GMNC: variants seen among roughly 807,000 people sequenced by gnomAD.
GMNC encodes the protein geminin coiled-coil domain containing.
GMNC carries 16 observed loss-of-function variants against 33.6 expected under a neutral mutation model. The ratio of observed to expected loss-of-function variants is 0.48; its 90% CI spans 0.32 to 0.72. The LOEUF (loss-of-function observed/expected upper bound fraction) is 0.72, where lower values mean the gene tolerates loss of function less well. GMNC is among the 30% of genes least tolerant of loss of function. The probability of loss-of-function intolerance (pLI) is 0.03; values close to 1 mark genes in which losing one functional copy is unlikely to be tolerated. For missense variants in GMNC, 393 were observed against 388.9 expected (o/e 1.01, Z -0.09); for synonymous variants, 156 against 147.3 (o/e 1.06, Z -0.43).
rs537279363 is a variant in GMNC, at chr3:190,854,182, A to C, written c.*1113T>G. On this transcript the variant is annotated 3_prime_UTR_variant, in exon 5 of 5. Transcript: ENST00000442080. Reference sequence around the variant, plus strand: ...ATAGGACCCAGCCTCAATTCATAGAATATTAGTAATTATCTAGTCCAACTT... The same window carrying C: ...ATAGGACCCAGCCTCAATTCATAGACTATTAGTAATTATCTAGTCCAACTT... The C allele has an allele frequency of 3.9e-5, 6 of 152,306 alleles. No homozygotes were observed. The highest frequency in any genetic ancestry group is 1.3e-4 in the Admixed American group (2 of 15,290). 9.4% of individuals were successfully genotyped at this position (152,306 alleles called of 1,614,324 possible). A position where few individuals can be genotyped will look rare whatever the true frequency, so the allele number is the denominator to read the frequency against.
Position 190,855,187 on chromosome 3 carries a change from G to C in GMNC, c.*108C>G, listed in dbSNP as rs1390426065. 5 of 1,102,570 alleles carry C rather than the reference G, an allele frequency of 4.5e-6. No homozygotes were observed. The African/African-American group carries it at 6.3e-5, about 14-fold the overall frequency. 68.3% of individuals were successfully genotyped at this position (1,102,570 alleles called of 1,614,324 possible). A position where few individuals can be genotyped will look rare whatever the true frequency, so the allele number is the denominator to read the frequency against. On this transcript the variant is annotated 3_prime_UTR_variant, in exon 5 of 5. Coordinates refer to ENST00000442080, the MANE Select transcript of GMNC (RefSeq NM_001146686.3). ...TTGAGAGTGACATTTAAAGTGGCAG[G>C]AGACAGTCTAAGCAACAGCTTCTGT...
At chr3:190,859,917 C>T in intron 2 of GMNC, 1 of 407,148 alleles carries the variant, frequency 2.5e-6, no homozygotes, top group Admixed American at 2.7e-5. Context: ...TTTGTTTTTA[C>T]TGTTGCTTGT....
At chr3:190,858,456 T>C (rs1369270012) in intron 3 of GMNC, among the ~76,000 whole-genome samples, 1 of 152,226 alleles carries the variant, frequency 6.6e-6, no homozygotes, top group African/African-American at 2.4e-5. Context: ...GATTGATCTG[T>C]CTGTATGTCC....
At chr3:190,850,526 G>A (rs1737616976), downstream of GMNC, among the ~76,000 whole-genome samples, 1 of 152,226 alleles carries the variant, frequency 6.6e-6, no homozygotes, top group African/African-American at 2.4e-5. Context: ...GCAGGAGTGA[G>A]GAGCCTGGCC....
downstream of GMNC, among the ~76,000 whole-genome samples, chr3:190,847,962 A>G (rs1249842678): frequency 2.0e-5 from 3 of 152,222 alleles, no homozygotes; most frequent in Non-Finnish European, 4.4e-5. Flanking sequence ...ATATGCATCA[A>G]GAACAGCTGG....
chr3:190,859,602 A>AT (rs1737817983), intron 2 of GMNC: 1 of 175,256 alleles, frequency 5.7e-6, no homozygotes, highest in Non-Finnish European at 1.2e-5. Context: ...CTTAATGAAA[A>AT]TCTCAAAACT....
At chr3:190,847,975 A>G (rs1423059980), downstream of GMNC, among the ~76,000 whole-genome samples, 1 of 152,166 alleles carries the variant, frequency 6.6e-6, no homozygotes, top group Non-Finnish European at 1.5e-5. Context: ...ACAGCTGGTA[A>G]TTTTCACTAC....
At chr3:190,848,974 T>G (rs1737592280), downstream of GMNC, among the ~76,000 whole-genome samples, 1 of 152,186 alleles carries the variant, frequency 6.6e-6, no homozygotes, top group African/African-American at 2.4e-5. Context: ...CTATACATAT[T>G]AAATGGTCTT....
In GMNC at chr3:190,855,207, T is replaced by A. The variant is rs1180551426; in HGVS notation, c.*88A>T. On this transcript the variant is annotated 3_prime_UTR_variant, in exon 5 of 5. Transcript: ENST00000442080. ...GGCAGGAGACAGTCTAAGCAACAGC[T>A]TCTGTGTTCCACATAGTCAAATTCA... 2.3e-6 allele frequency: 3 copies of A among 1,330,804 alleles called. No homozygotes were observed. In the East Asian group the frequency reaches 7.6e-5, roughly 34 times the overall value. The allele number at this position is 1,330,804 out of a possible 1,614,324, so 82.4% of individuals were successfully genotyped here.
downstream of GMNC, among the ~76,000 whole-genome samples, chr3:190,847,982 C>T (rs913217900): frequency 1.3e-5 from 2 of 152,202 alleles, no homozygotes; most frequent in Non-Finnish European, 2.9e-5. Context: ...GTAATTTTCA[C>T]TACGTACATT....
At chr3:190,856,179 G>A (rs1481104318) in intron 4 of GMNC, among the ~76,000 whole-genome samples, 3 of 148,584 alleles carry the variant, frequency 2.0e-5, no homozygotes, top group Non-Finnish European at 3.0e-5. Flanking sequence ...AACAATAATA[G>A]CACTATCATT....
downstream of GMNC, among the ~76,000 whole-genome samples, chr3:190,851,223 A>G (rs747820857): frequency 1.3e-5 from 2 of 152,218 alleles, no homozygotes; most frequent in African/African-American, 2.4e-5. Context: ...ACTAAAATCA[A>G]TCTGGAACAT....
downstream of GMNC, among the ~76,000 whole-genome samples, chr3:190,849,653 C>A (rs971053396): frequency 3.3e-5 from 5 of 152,248 alleles, no homozygotes; most frequent in South Asian, 1.0e-3. Context: ...AATACCCTTT[C>A]TATGCCTTAT....
At position 190,862,170 on chromosome 3, in the gene GMNC, A is replaced by AT. The variant is rs1459025138; in HGVS notation, c.3+442dup. ...CCTGAGGTTTTTTATTTTTTATTTTATTTTTTGGAATCAGAGCTAAGCTAT... is the reference window on the plus strand; with the variant it reads ...CCTGAGGTTTTTTATTTTTTATTTTATTTTTTTGGAATCAGAGCTAAGCTAT... On this transcript the variant is annotated intron_variant, in intron 1 of 4. Transcript: ENST00000442080. This position sits in a 1 kb window ranked among gnomAD's most constrained non-coding sequence, Gnocchi z 4.5. Among the ~76,000 whole-genome samples, 1 of 152,004 alleles carries AT rather than the reference A, an allele frequency of 6.6e-6. No individual in the cohort carries two copies. The highest frequency in any genetic ancestry group is 1.9e-4 in the East Asian group (1 of 5,176).
At chr3:190,860,654 C>G in intron 2 of GMNC, 30 bp downstream of exon 2, 1 of 1,526,088 alleles carries the variant, frequency 6.6e-7, no homozygotes, top group Non-Finnish European at 8.8e-7. Context: ...AGCTCCAGAT[C>G]TATCAGGGAA....
In GMNC at chr3:190,861,140, G is replaced by T. The variant is rs1285871245; in HGVS notation, c.4-282C>A. Reference sequence around the variant, plus strand: ...GGGTGAAATTTGTACATATCCAGGAGGATTGTCTGTTGCAACGACCAGCCC... The same window carrying T: ...GGGTGAAATTTGTACATATCCAGGATGATTGTCTGTTGCAACGACCAGCCC... On this transcript the variant is annotated intron_variant, in intron 1 of 4. Transcript: ENST00000442080. This position sits in a 1 kb window ranked among gnomAD's most constrained non-coding sequence, Gnocchi z 5.1. Among the ~76,000 whole-genome samples, 1 of 152,072 alleles carries T rather than the reference G, an allele frequency of 6.6e-6. No homozygotes were observed. Among genetic ancestry groups the T allele is most frequent in the African/African-American group, 2.4e-5 (1 of 41,390 alleles).
chr3:190,861,168 C>G lies in GMNC; in HGVS notation c.4-310G>C, dbSNP rs1737857601. On this transcript the variant is annotated intron_variant, in intron 1 of 4. Transcript: ENST00000442080. The surrounding 1 kb of genome is among the most constrained non-coding windows in gnomAD (Gnocchi z 5.1). Reference sequence around the variant, plus strand: ...TTGTCTGTTGCAACGACCAGCCCATCTAATAGTCTACCCAGATCTAAATAA... The same window carrying G: ...TTGTCTGTTGCAACGACCAGCCCATGTAATAGTCTACCCAGATCTAAATAA... 6.6e-6 allele frequency among the ~76,000 whole-genome samples: 1 copy of G among 152,144 alleles called. No individual in the cohort carries two copies. The highest frequency in any genetic ancestry group is 1.5e-5 in the Non-Finnish European group (1 of 68,036).
At chr3:190,859,685 C>A in intron 2 of GMNC, 1 of 294,028 alleles carries the variant, frequency 3.4e-6, no homozygotes, top group South Asian at 3.4e-5. Flanking sequence ...GTGCCTTTTC[C>A]CCCCATATTT....
At position 190,862,531 on chromosome 3, in the gene GMNC, A is replaced by G; in HGVS notation, c.3+82T>C. Reference sequence around the variant, plus strand: ...CGGAGAAATCTTGCTCCGAAGGTGGAATAAATTCTAAATGCAAAGCTTATT... The same window carrying G: ...CGGAGAAATCTTGCTCCGAAGGTGGGATAAATTCTAAATGCAAAGCTTATT... On this transcript the variant is annotated intron_variant, in intron 1 of 4. Transcript: ENST00000442080. This position sits in a 1 kb window ranked among gnomAD's most constrained non-coding sequence, Gnocchi z 4.5. 9.4e-7 allele frequency: 1 copy of G among 1,059,060 alleles called. No individual in the cohort carries two copies. The highest frequency in any genetic ancestry group is 1.4e-6 in the Non-Finnish European group (1 of 696,704). The allele number at this position is 1,059,060 out of a possible 1,614,324, so 65.6% of individuals were successfully genotyped here. A position where few individuals can be genotyped will look rare whatever the true frequency, so the allele number is the denominator to read the frequency against.
Sources: gnomAD v4.1 joint callset for allele counts (sites outside exome capture counted in the v4.1 genomes callset) on GRCh38, gnomAD v4.1.1 for gene constraint, Gnocchi (gnomAD v3.1) non-coding constraint, MANE v1.5 for transcripts, NCBI Gene and HGNC (gene_info 2026-07-23, HGNC 2026-07-21) for gene names.